The following NUGGC variants were observed in gnomAD, a reference collection of about 807,000 sequenced individuals.
NUGGC encodes nuclear GTPase, germinal center associated, also known as nuclear GTPase SLIP-GC.
A neutral mutation model predicts 92.6 loss-of-function variants in NUGGC; 58 were observed. The ratio of observed to expected loss-of-function variants is 0.63; its 90% confidence interval spans 0.51 to 0.78. The LOEUF is 0.78. Ranked by LOEUF, NUGGC falls within the 30% of genes least tolerant of loss-of-function variation. The pLI is 0.00. For missense variants in NUGGC, 925 were observed against 964.6 expected (o/e 0.96, Z 0.54); for synonymous variants, 376 against 366.4 (o/e 1.03, Z -0.30).
At chr8:28,069,072 A>C (rs1156791223) in intron 4 of NUGGC, among the ~76,000 whole-genome samples, 1 of 152,172 alleles carries the variant, frequency 6.6e-6, no homozygotes, top group Non-Finnish European at 1.5e-5. Context: ...TACAGACATG[A>C]AGTATTAATA....
intron 12 of NUGGC, among the ~76,000 whole-genome samples, chr8:28,041,494 C>T (rs1280393987): frequency 1.3e-5 from 2 of 152,188 alleles, no homozygotes; most frequent in African/African-American, 4.8e-5. Context: ...CTGTGTAATC[C>T]ATCAGGTTAT....
intron 7 of NUGGC, among the ~76,000 whole-genome samples, chr8:28,063,134 T>C (rs1054217174): frequency 2.6e-5 from 4 of 151,984 alleles, no homozygotes; most frequent in Non-Finnish European, 4.4e-5. Context: ...CTGAGAGACA[T>C]AGGGAGGGCA....
chr8:28,041,178 G>A lies in NUGGC; in HGVS notation c.1484C>T (p.Ala495Val), dbSNP rs374912166. 3.5e-5 allele frequency: 56 copies of A among 1,610,562 alleles called. No homozygotes were observed. The highest frequency in any genetic ancestry group is 2.9e-4 in the East Asian group (13 of 44,750). The change falls in exon 13 of 19, where the codon GCG becomes GTG. Residue 495 changes from alanine to valine, a missense_variant. Coordinates refer to ENST00000413272, the MANE Select transcript of NUGGC (RefSeq NM_001010906.2). ...CTCCAGCAGCTCAACCTTCTCTTCC[G>A]CAAATCTCCGCAGGACACTCATGTG... ...HLHMSVLRRFAEEKVELLEKA... is the reference protein window; with the variant it reads ...HLHMSVLRRFVEEKVELLEKA...
chr8:28,056,419 A>G (rs1240626657), intron 9 of NUGGC, among the ~76,000 whole-genome samples: 3 of 151,670 alleles, frequency 2.0e-5, no homozygotes, highest in African/African-American at 7.3e-5. Flanking sequence ...CAGAGCTTGC[A>G]GTGAGTCGAG....
intron 13 of NUGGC, among the ~76,000 whole-genome samples, chr8:28,035,460 G>A (rs534636912): frequency 6.6e-6 from 1 of 152,290 alleles, no homozygotes; most frequent in East Asian, 1.9e-4. Flanking sequence ...TGGAGGATCT[G>A]CTTCCAAAGA....
At chr8:28,047,726 C>T in intron 10 of NUGGC, 114 bp from the exon 11 acceptor site, 1 of 609,812 alleles carries the variant, frequency 1.6e-6, no homozygotes, top group Non-Finnish European at 2.9e-6. Context: ...TTTCAGTTCT[C>T]CATGACCCTC....
chr8:28,040,995 TG>T, intron 13 of NUGGC, 55 bp downstream of exon 13: 1 of 1,497,602 alleles, frequency 6.7e-7, no homozygotes, highest in East Asian at 2.4e-5. Context: ...AAAAGAAGCT[TG>T]GGGATCGGGC....
chr8:28,066,405 A>G (rs900626233), intron 6 of NUGGC, among the ~76,000 whole-genome samples: 15 of 152,240 alleles, frequency 9.9e-5, no homozygotes, highest in Admixed American at 5.2e-4. Flanking sequence ...TAAGAGGCTC[A>G]AGTATATTGA....
At chr8:28,052,912 T>G (rs1346501978) in intron 10 of NUGGC, among the ~76,000 whole-genome samples, 1 of 152,236 alleles carries the variant, frequency 6.6e-6, no homozygotes, top group African/African-American at 2.4e-5. Flanking sequence ...ACGTGGGGCA[T>G]ATACTTGATG....
At chr8:28,031,584 C>T (rs1036174218) in intron 14 of NUGGC, among the ~76,000 whole-genome samples, 1 of 152,210 alleles carries the variant, frequency 6.6e-6, no homozygotes, top group Non-Finnish European at 1.5e-5. Flanking sequence ...AGATAATGCT[C>T]ACTTAACAAG....
Position 28,031,290 on chromosome 8 carries a change from T to C in NUGGC, c.1861A>G (p.Ser621Gly), listed in dbSNP as rs1809412134. The C allele has an allele frequency of 6.2e-7, 1 of 1,614,054 alleles. No homozygotes were observed. The highest frequency in any genetic ancestry group is 8.5e-7 in the Non-Finnish European group (1 of 1,179,868). Residue 621 changes from serine (S) to glycine (G), a missense_variant, in exon 15 of 19, where the codon AGT (serine) becomes GGT (glycine). Transcript: ENST00000413272. ...QEKMTEIGIR[S>G]GWKYDSCKKN... ...TTGCAGCTATCATATTTCCAGCCACTTCTTATCCCAATTTCTGTCATTTTC... is the reference window on the plus strand; with the variant it reads ...TTGCAGCTATCATATTTCCAGCCACCTCTTATCCCAATTTCTGTCATTTTC...
Position 28,031,468 on chromosome 8 carries a change from T to C in NUGGC, c.1770-87A>G, listed in dbSNP as rs1809417122. On this transcript the variant is annotated intron_variant, in intron 14 of 18. Coordinates refer to ENST00000413272, the MANE Select transcript of NUGGC (RefSeq NM_001010906.2). ...CACGAAACTAGCTGGTGTCCTTTTA[T>C]TCATTTAAGAGAAGGAAGATGAAAT... 17 of 1,285,158 alleles carry C rather than the reference T, an allele frequency of 1.3e-5. No individual in the cohort carries two copies. The South Asian group carries it at 1.9e-4, about 15-fold the overall frequency. The allele number at this position is 1,285,158 out of a possible 1,614,324, so 79.6% of individuals were successfully genotyped here.
Position 28,022,143 on chromosome 8 carries a change from A to ATTTTTT in NUGGC, c.*1168_*1173dup, listed in dbSNP as rs1231799868. 1 of 122,548 alleles carries ATTTTTT rather than the reference A, an allele frequency of 8.2e-6. No homozygotes were observed. Among genetic ancestry groups the ATTTTTT allele is most frequent in the Non-Finnish European group, 1.7e-5 (1 of 57,972 alleles). The allele number at this position is 122,548 out of a possible 1,614,324, so 7.6% of individuals were successfully genotyped here. ...TGGGTGTGTGTGTGTATATATATAT[A>ATTTTTT]TTTTTTTCTTTTTCTTTTTTTTTTT... On this transcript the variant is annotated 3_prime_UTR_variant, in exon 19 of 19. Coordinates refer to ENST00000413272, the MANE Select transcript of NUGGC (RefSeq NM_001010906.2).
intron 15 of NUGGC, among the ~76,000 whole-genome samples, chr8:28,030,659 G>C (rs914768618): frequency 6.6e-6 from 1 of 152,126 alleles, no homozygotes; most frequent in African/African-American, 2.4e-5. Context: ...ATAAATATTT[G>C]CTGAGTTGAA....
intron 13 of NUGGC, among the ~76,000 whole-genome samples, chr8:28,037,008 C>T (rs1360757908): frequency 1.3e-5 from 2 of 152,208 alleles, no homozygotes; most frequent in East Asian, 1.9e-4. Context: ...CTATTGTCTA[C>T]AGACGGTATA....
At chr8:28,044,634 T>G (rs1333665226) in intron 12 of NUGGC, among the ~76,000 whole-genome samples, 1 of 152,204 alleles carries the variant, frequency 6.6e-6, no homozygotes, top group Non-Finnish European at 1.5e-5. Context: ...CTGGTGCTGA[T>G]TGTTACAGAG....
At chr8:28,071,863 C>T (rs750260892) in intron 2 of NUGGC, among the ~76,000 whole-genome samples, 15 of 152,094 alleles carry the variant, frequency 9.9e-5, no homozygotes, top group Non-Finnish European at 7.4e-5. Context: ...CCAAGAATCA[C>T]AGGGAGGCCA....
chr8:28,059,975 C>T (rs1210952119), intron 8 of NUGGC, among the ~76,000 whole-genome samples: 2 of 151,672 alleles, frequency 1.3e-5, no homozygotes, highest in East Asian at 1.9e-4. Flanking sequence ...GAGCTGAGAT[C>T]GTGCCATTGC....
chr8:28,047,102 C>T (rs1395303644), intron 11 of NUGGC, among the ~76,000 whole-genome samples: 1 of 152,172 alleles, frequency 6.6e-6, no homozygotes, highest in East Asian at 1.9e-4. Flanking sequence ...TCCCAAGTAG[C>T]TGAGATTATA....
Sources: allele counts gnomAD v4.1 joint callset (sites outside exome capture counted in the v4.1 genomes callset), GRCh38; gene constraint gnomAD v4.1.1; transcripts MANE v1.5; gene names NCBI Gene and HGNC (gene_info 2026-07-23, HGNC 2026-07-21).